PLEKHM3: variants seen among roughly 807,000 people sequenced by gnomAD.
PLEKHM3 encodes the protein pleckstrin homology domain-containing family M member 3.
A neutral mutation model predicts 81.8 loss-of-function variants in PLEKHM3; 45 were observed. The observed-to-expected ratio is 0.55, with a 90% CI of 0.43 to 0.71. PLEKHM3 has a LOEUF of 0.71. Ranked by LOEUF, PLEKHM3 falls within the 30% of genes least tolerant of loss-of-function variation. The pLI is 0.00. For missense variants in PLEKHM3, 788 were observed against 924.3 expected (o/e 0.85, Z 1.91); for synonymous variants, 352 against 356.4 (o/e 0.99, Z 0.14).
intron 2 of PLEKHM3, among the ~76,000 whole-genome samples, chr2:207,978,915 T>G (rs1316344787): frequency 6.6e-6 from 1 of 152,226 alleles, no homozygotes; most frequent in East Asian, 1.9e-4. Context: ...TAAATTTTTT[T>G]TAAGGCTGTC....
chr2:207,828,434 C>T lies in PLEKHM3; in HGVS notation c.2171G>A (p.Arg724Lys), dbSNP rs2092265308. The T allele has an allele frequency of 6.2e-7, 1 of 1,614,118 alleles. No individual in the cohort carries two copies. The highest frequency in any genetic ancestry group is 1.3e-5 in the African/African-American group (1 of 75,006). The change falls in exon 8 of 8, where the codon AGG (arginine) becomes AAG (lysine). Residue 724 changes from arginine (R) to lysine (K), a missense_variant. Coordinates refer to ENST00000427836, the MANE Select transcript of PLEKHM3 (RefSeq NM_001080475.3). ...CTTCTGCAGCTCTCGGCGAACACAC[C>T]TCGGGCAGGGGACAGACTTTTCTTT... ...ECKEKSVPCP[R>K]CVRRELQKKQ...
At chr2:207,872,510 A>G (rs2092539714) in intron 6 of PLEKHM3, among the ~76,000 whole-genome samples, 1 of 152,222 alleles carries the variant, frequency 6.6e-6, no homozygotes, top group Admixed American at 6.5e-5. Context: ...AAGTTACACA[A>G]AATTCTGTGA....
intron 7 of PLEKHM3, among the ~76,000 whole-genome samples, chr2:207,831,596 A>G (rs1013482965): frequency 6.6e-6 from 1 of 152,198 alleles, no homozygotes; most frequent in African/African-American, 2.4e-5. Context: ...GACTAAAATG[A>G]GAAATATACT....
intron 3 of PLEKHM3, among the ~76,000 whole-genome samples, chr2:207,951,823 A>C: frequency 6.6e-6 from 1 of 152,174 alleles, no homozygotes; most frequent in East Asian, 1.9e-4. Context: ...TGAAGCTGCG[A>C]TCTTGAGGAA....
intron 2 of PLEKHM3, among the ~76,000 whole-genome samples, chr2:207,980,127 AC>A (rs983710766): frequency 6.6e-6 from 1 of 152,130 alleles, no homozygotes; most frequent in Non-Finnish European, 1.5e-5. Flanking sequence ...CCCTACTGTG[AC>A]CCAAAGGCTC....
chr2:207,926,706 C>A (rs749823875), intron 5 of PLEKHM3, among the ~76,000 whole-genome samples: 53 of 152,192 alleles, frequency 3.5e-4, no homozygotes, highest in Non-Finnish European at 5.9e-5. Context: ...TCGGGGAGGA[C>A]ACTGACTTTT....
intron 6 of PLEKHM3, among the ~76,000 whole-genome samples, chr2:207,906,189 T>TA (rs564112542): frequency 5.9e-5 from 9 of 152,182 alleles, no homozygotes; most frequent in Non-Finnish European, 1.2e-4. Context: ...TCTCAAATGA[T>TA]AGAGTCTGTG....
intron 6 of PLEKHM3, among the ~76,000 whole-genome samples, chr2:207,903,122 T>C (rs1023100202): frequency 7.2e-5 from 11 of 152,236 alleles, no homozygotes; most frequent in Admixed American, 7.2e-4. Context: ...TTAAAACTTA[T>C]CTGTGGAAAT....
At chr2:207,828,871 C>A (rs1057133955) in intron 7 of PLEKHM3, among the ~76,000 whole-genome samples, 1 of 152,268 alleles carries the variant, frequency 6.6e-6, no homozygotes, top group African/African-American at 2.4e-5. Context: ...CGTGAAAACG[C>A]TCGGCACACC....
At position 207,908,558 on chromosome 2, in the gene PLEKHM3, G is replaced by A; in HGVS notation, c.1906C>T (p.Leu636Phe). Residue 636 changes from leucine to phenylalanine, a missense_variant, in exon 6 of 8, where the codon CTC becomes TTC. Physicochemically the swap from Leu to Phe is conservative, Grantham distance 22. Coordinates refer to ENST00000427836, the MANE Select transcript of PLEKHM3 (RefSeq NM_001080475.3). ...LRRRIFPREY[L>F]LQQIHLYSLA... The stretch of plus-strand genomic sequence containing the variant: ...GAATACAGGTGGATCTGTTGAAGGA[G>A]GTATTCTCTGGGGAAAATTCTGAAA... 1 of 1,612,862 alleles carries A rather than the reference G, an allele frequency of 6.2e-7. No individual in the cohort carries two copies. The highest frequency in any genetic ancestry group is 8.5e-7 in the Non-Finnish European group (1 of 1,179,468).
chr2:207,991,722 T>TG (rs752667819), intron 2 of PLEKHM3, among the ~76,000 whole-genome samples: 28 of 152,140 alleles, frequency 1.8e-4, no homozygotes, highest in Non-Finnish European at 3.2e-4. Flanking sequence ...AAATGATCCT[T>TG]GGGGCAGCTG....
chr2:208,005,601 C>T (rs1692469129), intron 1 of PLEKHM3, among the ~76,000 whole-genome samples: 1 of 152,184 alleles, frequency 6.6e-6, no homozygotes, highest in South Asian at 2.1e-4. Context: ...ATGAACATGA[C>T]TTACTACTGT....
chr2:208,001,057 T>G lies in PLEKHM3; in HGVS notation c.583A>C (p.Lys195Gln), dbSNP rs537974055. The change falls in exon 2 of 8, where the codon AAG becomes CAG. Residue 195 changes from lysine to glutamine, a missense_variant. By Grantham distance (53) the Lys-to-Gln change is moderately conservative. Coordinates refer to ENST00000427836, the MANE Select transcript of PLEKHM3 (RefSeq NM_001080475.3). Reference protein sequence around the residue: ...RPSFLLPSPNKIEDAQGNTEH... With the variant: ...RPSFLLPSPNQIEDAQGNTEH... ...GTATTTCCTTGAGCATCTTCTATCT[T>G]ATTTGGTGAGGGCAACAGAAAAGAT... 5 of 1,556,358 alleles carry G rather than the reference T, an allele frequency of 3.2e-6. No individual in the cohort carries two copies. The highest frequency in any genetic ancestry group is 4.3e-6 in the Non-Finnish European group (5 of 1,149,634).
chr2:208,018,729 G>A (rs1326299205), intron 1 of PLEKHM3, among the ~76,000 whole-genome samples: 1 of 152,098 alleles, frequency 6.6e-6, no homozygotes, highest in Non-Finnish European at 1.5e-5. Context: ...CAACCAAAAT[G>A]TTCTTTCCAA....
At chr2:208,023,668 A>C (rs1297646404) in intron 1 of PLEKHM3, among the ~76,000 whole-genome samples, 2 of 151,958 alleles carry the variant, frequency 1.3e-5, no homozygotes, top group Non-Finnish European at 2.9e-5. Flanking sequence ...TCTGAGGTGG[A>C]ACAGTTTCAT....
chr2:207,951,850 C>G (rs1381547480), intron 3 of PLEKHM3, among the ~76,000 whole-genome samples: 16 of 152,198 alleles, frequency 1.1e-4, no homozygotes, highest in Admixed American at 1.0e-3. Flanking sequence ...GCCACTTTCT[C>G]TCTACTTTAC....
intron 1 of PLEKHM3, among the ~76,000 whole-genome samples, chr2:208,014,302 G>T (rs1574492726): frequency 6.6e-6 from 1 of 152,202 alleles, no homozygotes; most frequent in South Asian, 2.1e-4. Context: ...AAGAATCTCT[G>T]CCCATCACAC....
At chr2:207,914,681 C>CAA (rs34724181) in intron 5 of PLEKHM3, among the ~76,000 whole-genome samples, 2 of 112,866 alleles carry the variant, frequency 1.8e-5, no homozygotes, top group East Asian at 3.5e-4. Flanking sequence ...GACCCTGTGT[C>CAA]AAAAAAAAAA....
chr2:207,926,387 G>A (rs570203757), intron 5 of PLEKHM3, among the ~76,000 whole-genome samples: 1 of 152,324 alleles, frequency 6.6e-6, no homozygotes, highest in South Asian at 2.1e-4. Context: ...TGGCCTTGAG[G>A]TGACACATTC....
Sources: allele counts gnomAD v4.1 joint callset (sites outside exome capture counted in the v4.1 genomes callset), GRCh38; gene constraint gnomAD v4.1.1; transcripts MANE v1.5; gene names NCBI Gene and HGNC (gene_info 2026-07-23, HGNC 2026-07-21).